The following MRAP2 variants were observed in gnomAD, a reference collection of about 807,000 sequenced individuals.
The protein encoded by MRAP2 is melanocortin 2 receptor accessory protein 2, also known as melanocortin-2 receptor accessory protein 2.
In MRAP2, 20 loss-of-function variants were observed where a neutral mutation model predicts 17.4. The observed-to-expected ratio is 1.15, with a 90% CI of 0.81 to 1.67. MRAP2 has a LOEUF of 1.67. Ranked by LOEUF, MRAP2 falls within the 40% of genes most tolerant of loss-of-function variation. The pLI, the probability that MRAP2 is intolerant of heterozygous loss-of-function variation, is 0.00. For missense variants in MRAP2, 238 were observed against 240.0 expected (o/e 0.99, Z 0.05); for synonymous variants, 96 against 88.4 (o/e 1.09, Z -0.48).
the MRAP2 span, among the ~76,000 whole-genome samples, chr6:84,132,351 G>C: frequency 1.3e-5 from 2 of 152,126 alleles, no homozygotes; most frequent in Non-Finnish European, 2.9e-5. Flanking sequence ...GAGTATCTTT[G>C]TGGTGTTCTC....
At position 84,089,667 on chromosome 6, in the gene MRAP2, G is replaced by A; in HGVS notation, c.*186G>A. 1 of 674,074 alleles carries A rather than the reference G, an allele frequency of 1.5e-6. No homozygotes were observed. The highest frequency in any genetic ancestry group is 2.3e-6 in the Non-Finnish European group (1 of 428,704). The allele number at this position is 674,074 out of a possible 1,614,324, so 41.8% of individuals were successfully genotyped here. A position where few individuals can be genotyped will look rare whatever the true frequency, so the allele number is the denominator to read the frequency against. On this transcript the variant is annotated 3_prime_UTR_variant, in exon 4 of 4. Transcript: ENST00000257776. The stretch of plus-strand genomic sequence containing the variant: ...ATTAAGCTGAGTGGTTTTTTGTTTT[G>A]TTTTGTTTTTGCTTTTTAATACATT...
chr6:84,122,352 CAAAAAAAAAAAAA>C, the MRAP2 span, among the ~76,000 whole-genome samples: 5 of 36,150 alleles, frequency 1.4e-4, no homozygotes, highest in African/African-American at 3.4e-4. Context: ...ACAGCACATC[CAAAAAAAAAAAAA>C]AAAAAAAAAA....
At chr6:84,058,141 A>C (rs1313770875) in intron 2 of MRAP2, among the ~76,000 whole-genome samples, 1 of 152,166 alleles carries the variant, frequency 6.6e-6, no homozygotes, top group Non-Finnish European at 1.5e-5. Flanking sequence ...GGTCTGGAGC[A>C]GAGGAGTGCC....
At chr6:84,136,507 G>C in the MRAP2 span, among the ~76,000 whole-genome samples, 3 of 152,148 alleles carry the variant, frequency 2.0e-5, no homozygotes, top group Admixed American at 1.3e-4. Context: ...AGTTTTGGCA[G>C]GGATATTCAA....
chr6:84,083,696 A>G (rs1293017247), intron 3 of MRAP2, among the ~76,000 whole-genome samples: 1 of 152,228 alleles, frequency 6.6e-6, no homozygotes, highest in Non-Finnish European at 1.5e-5. Context: ...AGTAATGTGA[A>G]CTAAAAACAC....
intron 2 of MRAP2, among the ~76,000 whole-genome samples, chr6:84,057,765 T>G (rs1383412873): frequency 6.6e-6 from 1 of 152,186 alleles, no homozygotes; most frequent in Non-Finnish European, 1.5e-5. Flanking sequence ...AATAAATAGT[T>G]AAATAGATAA....
intron 1 of MRAP2, among the ~76,000 whole-genome samples, chr6:84,043,632 C>T (rs1210971928): frequency 6.6e-6 from 1 of 151,084 alleles, no homozygotes; most frequent in Non-Finnish European, 1.5e-5. Context: ...TTGTGTTGTC[C>T]CTCAAGCTGT....
chr6:84,145,217 G>A, the MRAP2 span, among the ~76,000 whole-genome samples: 1 of 152,066 alleles, frequency 6.6e-6, no homozygotes, highest in Non-Finnish European at 1.5e-5. Flanking sequence ...GGGATCTCTA[G>A]AAGAGAAAGG....
At chr6:84,099,946 C>T in the MRAP2 span, among the ~76,000 whole-genome samples, 1 of 151,926 alleles carries the variant, frequency 6.6e-6, no homozygotes, top group Non-Finnish European at 1.5e-5. Flanking sequence ...TTGCAAACTC[C>T]ACCTCTTGGG....
In MRAP2 at chr6:84,058,361, G is replaced by A. The variant is rs183502392; in HGVS notation, c.127+2916G>A. On this transcript the variant is annotated intron_variant, in intron 2 of 3. Transcript: ENST00000257776. ...TGGCAAGATTTGTCAATGGATTGGC[G>A]GTATGTGTAAGAGAAAGAAGAGTCA... 8.3e-4 allele frequency among the ~76,000 whole-genome samples: 126 copies of A among 152,296 alleles called. 1 individual carries two copies. The highest frequency in any genetic ancestry group is 2.1e-4 in the Non-Finnish European group (14 of 68,006).
At chr6:84,064,543 A>C (rs978529619) in intron 3 of MRAP2, among the ~76,000 whole-genome samples, 1 of 152,078 alleles carries the variant, frequency 6.6e-6, no homozygotes, top group Non-Finnish European at 1.5e-5. Context: ...GCTGGAGTGC[A>C]GTGGCGCCAT....
At chr6:84,071,450 TG>T (rs2099496158) in intron 3 of MRAP2, among the ~76,000 whole-genome samples, 1 of 152,208 alleles carries the variant, frequency 6.6e-6, no homozygotes, top group African/African-American at 2.4e-5. Flanking sequence ...AGAAATCTGT[TG>T]TTAATCTGAT....
chr6:84,050,733 C>T (rs1021011364), intron 1 of MRAP2, among the ~76,000 whole-genome samples: 1 of 152,200 alleles, frequency 6.6e-6, no homozygotes, highest in African/African-American at 2.4e-5. Context: ...CTGAAAAGAC[C>T]TTTCTGGCCT....
At chr6:84,131,210 G>A in the MRAP2 span, among the ~76,000 whole-genome samples, 1 of 152,160 alleles carries the variant, frequency 6.6e-6, no homozygotes, top group African/African-American at 2.4e-5. Flanking sequence ...CTGCACTGTG[G>A]TCTGAGAGAC....
chr6:84,101,880 A>G, the MRAP2 span, among the ~76,000 whole-genome samples: 309 of 152,334 alleles, frequency 2.0e-3, no homozygotes, highest in African/African-American at 7.3e-3. Context: ...AAATTCCATC[A>G]AAGTCCTGTG....
the MRAP2 span, among the ~76,000 whole-genome samples, chr6:84,110,474 G>T: frequency 6.6e-6 from 1 of 152,074 alleles, no homozygotes; most frequent in African/African-American, 2.4e-5. Context: ...GTAGATTCTG[G>T]ATATTAGCCC....
chr6:84,113,521 G>C, the MRAP2 span, among the ~76,000 whole-genome samples: 1 of 152,254 alleles, frequency 6.6e-6, no homozygotes, highest in South Asian at 2.1e-4. Flanking sequence ...ACACTGATGG[G>C]TCTTGACTCT....
rs929107495 is a variant in MRAP2 at position 84,090,603 on chromosome 6, A to T, written c.*1122A>T. ...ATTTGCCATGCTATTACCTTGGCAGATGTGTAGGTGATAGTCATCTGGCTT... is the reference window on the plus strand; with the variant it reads ...ATTTGCCATGCTATTACCTTGGCAGTTGTGTAGGTGATAGTCATCTGGCTT... On this transcript the variant is annotated 3_prime_UTR_variant, in exon 4 of 4. Transcript: ENST00000257776. 1 of 152,166 alleles carries T rather than the reference A, an allele frequency of 6.6e-6. No homozygotes were observed. The highest frequency in any genetic ancestry group is 2.4e-5 in the African/African-American group (1 of 41,430). The allele number at this position is 152,166 out of a possible 1,614,324, so 9.4% of individuals were successfully genotyped here.
At chr6:84,105,919 G>C in the MRAP2 span, among the ~76,000 whole-genome samples, 1 of 151,984 alleles carries the variant, frequency 6.6e-6, no homozygotes, top group African/African-American at 2.4e-5. Context: ...TTTGCTAGTG[G>C]GTCACTAGGG....
Sources: gnomAD v4.1 joint callset for allele counts (sites outside exome capture counted in the v4.1 genomes callset) on GRCh38, gnomAD v4.1.1 for gene constraint, MANE v1.5 for transcripts, NCBI Gene and HGNC (gene_info 2026-07-23, HGNC 2026-07-21) for gene names.